Variants in SEL1L observed in about 807,000 individuals in gnomAD.
SEL1L encodes protein sel-1 homolog 1.
Under a neutral mutation model 109.8 loss-of-function variants are expected in SEL1L, and 52 were observed. The observed-to-expected ratio is 0.47, with a 90% CI of 0.38 to 0.60. The LOEUF (loss-of-function observed/expected upper bound fraction) is 0.60, where lower values mean the gene tolerates loss of function less well. SEL1L is among the 20% of genes least tolerant of loss of function. SEL1L has a pLI of 0.00. For synonymous variants in SEL1L, 373 were observed against 339.6 expected, an observed-to-expected ratio of 1.10 and a Z score of -1.08; for missense variants, 749 against 962.2, an observed-to-expected ratio of 0.78 and a Z score of 2.93.
At chr14:81,510,500 CTCTCTCTCTCTCTCTA>C (rs1214086143) in intron 3 of SEL1L, among the ~76,000 whole-genome samples, 12 of 126,222 alleles carry the variant, frequency 9.5e-5, no homozygotes, top group East Asian at 4.7e-4. Flanking sequence ...CTCTCTCTCT[CTCTCTCTCTCTCTCTA>C]TATATATATA....
At chr14:81,498,379 T>C (rs1422434116) in intron 9 of SEL1L, 34 bp downstream of exon 9, 6 of 1,524,016 alleles carry the variant, frequency 3.9e-6, no homozygotes, top group African/African-American at 2.8e-5. Context: ...ATTTATTTTT[T>C]TTTCCTAAAA....
chr14:81,481,187 G>C (rs2139983832), intron 19 of SEL1L, among the ~76,000 whole-genome samples: 1 of 152,264 alleles, frequency 6.6e-6, no homozygotes, highest in African/African-American at 2.4e-5. Flanking sequence ...TCTGAATTCA[G>C]ATATGTAATA....
At chr14:81,530,450 CAG>C (rs1157962408) in intron 1 of SEL1L, among the ~76,000 whole-genome samples, 1 of 152,150 alleles carries the variant, frequency 6.6e-6, no homozygotes, top group Non-Finnish European at 1.5e-5. Flanking sequence ...ACGACCAAAA[CAG>C]TGAAATTAAA....
intron 12 of SEL1L, among the ~76,000 whole-genome samples, chr14:81,490,685 G>C (rs565262055): frequency 6.6e-6 from 1 of 152,208 alleles, no homozygotes; most frequent in East Asian, 1.9e-4. Context: ...TGGATCACCC[G>C]ATGTCAGGAG....
intron 19 of SEL1L, 51 bp downstream of exon 19, chr14:81,484,174 T>A: frequency 1.9e-6 from 3 of 1,542,206 alleles, no homozygotes; most frequent in Non-Finnish European, 2.7e-6. Context: ...ATGCAAGTAT[T>A]TTCCCCAATC....
intron 5 of SEL1L, among the ~76,000 whole-genome samples, chr14:81,503,343 T>A (rs1191835694): frequency 1.3e-5 from 2 of 152,150 alleles, no homozygotes; most frequent in African/African-American, 4.8e-5. Context: ...ATCCCTTTTT[T>A]TAATTTTTTT....
At chr14:81,483,607 T>C (rs1010917859) in intron 19 of SEL1L, among the ~76,000 whole-genome samples, 21 of 152,216 alleles carry the variant, frequency 1.4e-4, no homozygotes, top group African/African-American at 3.4e-4. Context: ...TTAATAATGG[T>C]AAGTGGGTAT....
chr14:81,530,063 T>C (rs1885266204), intron 1 of SEL1L, among the ~76,000 whole-genome samples: 1 of 152,268 alleles, frequency 6.6e-6, no homozygotes, highest in South Asian at 2.1e-4. Context: ...TTTTTATTTT[T>C]ATTGTATTAG....
chr14:81,479,692 G>A lies in SEL1L; in HGVS notation c.2095C>T (p.Pro699Ser). 1 of 1,614,022 alleles carries A rather than the reference G, an allele frequency of 6.2e-7. No individual in the cohort carries two copies. The highest frequency in any genetic ancestry group is 8.5e-7 in the Non-Finnish European group (1 of 1,179,942). ...RFYDMAAEAS[P>S]DAQVPVFLAL... ...AGGAAGACTGGAACTTGTGCATCTGGGCTGGCTTCAGCTGCCATGTCATAA... is the reference window on the plus strand; with the variant it reads ...AGGAAGACTGGAACTTGTGCATCTGAGCTGGCTTCAGCTGCCATGTCATAA... The change falls in exon 20 of 21, where the codon CCA (proline) becomes TCA (serine). Residue 699 changes from proline to serine, a missense_variant. Coordinates refer to ENST00000336735, the MANE Select transcript of SEL1L (RefSeq NM_005065.6).
chr14:81,527,802 G>A, intron 1 of SEL1L, 64 bp from the exon 2 acceptor site: 3 of 1,054,544 alleles, frequency 2.8e-6, no homozygotes, highest in Non-Finnish European at 4.3e-6. Flanking sequence ...ATTATTAAAA[G>A]AAAACATGTG....
intron 20 of SEL1L, among the ~76,000 whole-genome samples, chr14:81,477,878 C>G (rs1595499507): frequency 6.6e-6 from 1 of 152,142 alleles, no homozygotes; most frequent in Non-Finnish European, 1.5e-5. Context: ...GCACAGCGAA[C>G]CTACTGGCAG....
intron 17 of SEL1L, 76 bp downstream of exon 17, chr14:81,486,213 T>G: frequency 7.2e-7 from 1 of 1,382,348 alleles, no homozygotes; most frequent in Non-Finnish European, 1.0e-6. Flanking sequence ...TAGCTTTTCT[T>G]TTTGAATACA....
intron 3 of SEL1L, among the ~76,000 whole-genome samples, chr14:81,524,421 T>A (rs1210977649): frequency 6.6e-6 from 1 of 152,170 alleles, no homozygotes; most frequent in Non-Finnish European, 1.5e-5. Context: ...AATCTACCCA[T>A]GTCTCTAGAA....
Position 81,499,642 on chromosome 14 carries a change from G to A in SEL1L, c.798C>T (p.Ala266=), listed in dbSNP as rs1488402027. ...KGQTALGFLY[A]SGLGVNSSQA... ...GACTTGAATTAACACCAAGTCCAGA[G>A]GCATACAGAAAGCCAAGAGCCTGAA... The change falls in exon 7 of 21, where the codon GCC becomes GCT. Residue 266 remains alanine, a synonymous_variant. Coordinates refer to ENST00000336735, the MANE Select transcript of SEL1L (RefSeq NM_005065.6). 3 of 1,608,798 alleles carry A rather than the reference G, an allele frequency of 1.9e-6. No homozygotes were observed. Among genetic ancestry groups the A allele is most frequent in the Admixed American group, 1.7e-5 (1 of 58,850 alleles).
intron 6 of SEL1L, 24 bp downstream of exon 6, chr14:81,502,697 A>T: frequency 6.2e-7 from 1 of 1,609,558 alleles, no homozygotes; most frequent in South Asian, 1.1e-5. Context: ...ATGCAGAGAG[A>T]TTCTTCACTG....
chr14:81,524,952 C>T (rs1293063265), intron 3 of SEL1L, among the ~76,000 whole-genome samples: 2 of 151,998 alleles, frequency 1.3e-5, no homozygotes, highest in Non-Finnish European at 2.9e-5. Context: ...GAAATGAATT[C>T]AAACAAATAA....
At chr14:81,489,452 T>C (rs904017222) in intron 13 of SEL1L, 138 bp from the exon 14 acceptor site, 4 of 698,310 alleles carry the variant, frequency 5.7e-6, no homozygotes, top group East Asian at 5.4e-5. Context: ...AACAAAACTT[T>C]CTTCTTCTCA....
chr14:81,498,068 A>G lies in SEL1L; in HGVS notation c.974-22T>C, dbSNP rs201459720. ...GCAACTGAAATAGAGGGATAAAACA[A>G]TAAGGTGGAGGAAAATCAGAAGAAT... On this transcript the variant is annotated intron_variant, in intron 9 of 20. Transcript: ENST00000336735. 41 of 1,599,468 alleles carry G rather than the reference A, an allele frequency of 2.6e-5. 1 individual carries two copies. The highest frequency in any genetic ancestry group is 1.2e-4 in the Admixed American group (7 of 57,114).
intron 16 of SEL1L, 60 bp downstream of exon 16, chr14:81,487,330 G>A (rs547045686): frequency 2.0e-5 from 30 of 1,470,160 alleles, no homozygotes; most frequent in Middle Eastern, 1.8e-4. Context: ...AATTGAAAGC[G>A]CAGACTTTCC....
Sources: gnomAD v4.1 joint callset for allele counts (sites outside exome capture counted in the v4.1 genomes callset) on GRCh38, gnomAD v4.1.1 for gene constraint, MANE v1.5 for transcripts, NCBI Gene and HGNC (gene_info 2026-07-23, HGNC 2026-07-21) for gene names.